The following ARHGAP15 variants were observed in gnomAD, a reference collection of about 807,000 sequenced individuals.
The protein encoded by ARHGAP15 is Rho GTPase activating protein 15.
ARHGAP15 carries 51 observed loss-of-function variants against 63.7 expected under a neutral mutation model. The ratio of observed to expected loss-of-function variants is 0.80; its 90% CI spans 0.64 to 1.01. The LOEUF (loss-of-function observed/expected upper bound fraction) is 1.01, where lower values mean the gene tolerates loss of function less well. ARHGAP15 is among the 50% of genes least tolerant of loss of function. The pLI is 0.00. For missense variants in ARHGAP15, 560 were observed against 564.6 expected (o/e 0.99, Z 0.08); for synonymous variants, 191 against 193.8 (o/e 0.99, Z 0.12).
chr2:143,221,567 C>G (rs1335897220), intron 4 of ARHGAP15, among the ~76,000 whole-genome samples: 1 of 152,102 alleles, frequency 6.6e-6, no homozygotes, highest in Non-Finnish European at 1.5e-5. Context: ...TGTAAGTAAC[C>G]CTGGCTTCTC....
At chr2:143,247,836 A>C (rs981057718) in intron 5 of ARHGAP15, among the ~76,000 whole-genome samples, 1 of 152,192 alleles carries the variant, frequency 6.6e-6, no homozygotes, top group Non-Finnish European at 1.5e-5. Flanking sequence ...AATCACAAAG[A>C]CTGCTTAACC....
intron 11 of ARHGAP15, chr2:143,608,722 T>C (rs865984736): frequency 6.6e-6 from 1 of 152,322 alleles, no homozygotes; most frequent in South Asian, 2.1e-4. Flanking sequence ...TTTCATAACA[T>C]GCAAAAAGGT....
intron 13 of ARHGAP15, among the ~76,000 whole-genome samples, chr2:143,747,213 G>A (rs1004942756): frequency 4.6e-5 from 7 of 151,498 alleles, no homozygotes; most frequent in South Asian, 2.1e-4. Context: ...AAACCTGCAC[G>A]CTCAGCACGT....
intron 2 of ARHGAP15, among the ~76,000 whole-genome samples, chr2:143,182,474 A>T (rs1254507712): frequency 1.3e-5 from 2 of 152,154 alleles, no homozygotes; most frequent in Non-Finnish European, 2.9e-5. Context: ...TCCACAAAAC[A>T]TTTCCCTAAG....
chr2:143,410,381 T>C (rs1217555943), intron 6 of ARHGAP15, among the ~76,000 whole-genome samples: 1 of 152,218 alleles, frequency 6.6e-6, no homozygotes. Flanking sequence ...TGCTTATTAA[T>C]TGACACCAGG....
At chr2:143,413,958 T>TGC (rs1371670453) in intron 6 of ARHGAP15, among the ~76,000 whole-genome samples, 20 of 70,302 alleles carry the variant, frequency 2.8e-4, no homozygotes, top group South Asian at 5.7e-4. Flanking sequence ...TGTGTGTGTG[T>TGC]GTGTGTGTGC....
At chr2:143,401,344 T>G (rs1323510769) in intron 6 of ARHGAP15, among the ~76,000 whole-genome samples, 2 of 152,028 alleles carry the variant, frequency 1.3e-5, no homozygotes, top group African/African-American at 4.8e-5. Context: ...GCACTTCCAA[T>G]GCATAAAAAT....
intron 12 of ARHGAP15, among the ~76,000 whole-genome samples, chr2:143,632,346 CATATAT>C (rs1010572568): frequency 6.6e-6 from 1 of 151,564 alleles, no homozygotes; most frequent in Non-Finnish European, 1.5e-5. Context: ...ATATTGTGTT[CATATAT>C]ATATACATAT....
At chr2:143,440,798 G>A (rs930577494) in intron 8 of ARHGAP15, among the ~76,000 whole-genome samples, 5 of 152,186 alleles carry the variant, frequency 3.3e-5, no homozygotes, top group African/African-American at 1.2e-4. Flanking sequence ...ACCAGCCTGG[G>A]ATGAGAGTAG....
intron 9 of ARHGAP15, among the ~76,000 whole-genome samples, chr2:143,513,053 A>G (rs1413458859): frequency 6.6e-6 from 1 of 152,210 alleles, no homozygotes; most frequent in African/African-American, 2.4e-5. Flanking sequence ...CTGAGATACT[A>G]GGTTCTTGTA....
Position 143,542,129 on chromosome 2 carries a change from C to T in ARHGAP15, c.926-14279C>T, listed in dbSNP as rs144035282. 5.4e-3 allele frequency among the ~76,000 whole-genome samples: 824 copies of T among 152,290 alleles called. 7 individuals carry two copies. Among genetic ancestry groups the T allele is most frequent in the Non-Finnish European group, 0.01 (699 of 68,022 alleles). ...CGCCTTGCAGTTTGATCTCAGAATG[C>T]CATGCTAGCAATGAGCGAGGCTTCG... is the stretch of plus-strand genomic sequence containing the variant. On this transcript the variant is annotated intron_variant, in intron 10 of 13. Transcript: ENST00000295095.
At chr2:143,199,256 T>C (rs1017333691) in intron 2 of ARHGAP15, among the ~76,000 whole-genome samples, 2 of 152,074 alleles carry the variant, frequency 1.3e-5, no homozygotes, top group Non-Finnish European at 2.9e-5. Flanking sequence ...TAGACGTTAA[T>C]TGAGCATCAA....
intron 5 of ARHGAP15, among the ~76,000 whole-genome samples, chr2:143,229,244 C>T (rs972064855): frequency 6.6e-6 from 1 of 152,048 alleles, no homozygotes; most frequent in Admixed American, 6.6e-5. Context: ...TGAGGAAACA[C>T]TCTAAATTAG....
At chr2:143,338,640 A>G (rs1684917708) in intron 6 of ARHGAP15, among the ~76,000 whole-genome samples, 1 of 152,182 alleles carries the variant, frequency 6.6e-6, no homozygotes, top group Admixed American at 6.6e-5. Flanking sequence ...ATGACTTTAT[A>G]TATTTCCATT....
intron 9 of ARHGAP15, among the ~76,000 whole-genome samples, chr2:143,511,877 T>A (rs949620301): frequency 6.6e-6 from 1 of 152,220 alleles, no homozygotes. Flanking sequence ...GTTAAATCTC[T>A]GATTTCCTTT....
At chr2:143,244,315 T>C (rs1467549061) in intron 5 of ARHGAP15, among the ~76,000 whole-genome samples, 2 of 152,202 alleles carry the variant, frequency 1.3e-5, no homozygotes, top group Non-Finnish European at 2.9e-5. Context: ...AATGTGTGAC[T>C]AACAAGAGTT....
chr2:143,244,546 T>C (rs1029279209), intron 5 of ARHGAP15, among the ~76,000 whole-genome samples: 3 of 152,202 alleles, frequency 2.0e-5, no homozygotes, highest in Admixed American at 1.3e-4. Flanking sequence ...ATGTCTGGCG[T>C]TGTGAAAACA....
At chr2:143,294,846 G>A (rs1234574880) in intron 6 of ARHGAP15, among the ~76,000 whole-genome samples, 3 of 152,024 alleles carry the variant, frequency 2.0e-5, no homozygotes, top group Non-Finnish European at 2.9e-5. Context: ...CTGCAAACAG[G>A]TGACCTCTAC....
In ARHGAP15 at chr2:143,561,851, A is replaced by G. The variant is rs969717898; in HGVS notation, c.1003+5366A>G. 3.3e-5 allele frequency among the ~76,000 whole-genome samples: 5 copies of G among 152,306 alleles called. No individual in the cohort carries two copies. The South Asian group carries it at 6.2e-4, about 19-fold the overall frequency. ...AAAATTTGAAGAAAAACTGTTAAGG[A>G]CAACCTTCTCTACTTGTGCAAACAA... On this transcript the variant is annotated intron_variant, in intron 11 of 13. Coordinates refer to ENST00000295095, the MANE Select transcript of ARHGAP15 (RefSeq NM_018460.4).
Sources: allele counts gnomAD v4.1 joint callset (sites outside exome capture counted in the v4.1 genomes callset), GRCh38; gene constraint gnomAD v4.1.1; transcripts MANE v1.5; gene names NCBI Gene and HGNC (gene_info 2026-07-23, HGNC 2026-07-21).